Variants in APBB2 observed in about 807,000 individuals in gnomAD.
APBB2 encodes the protein amyloid beta precursor protein binding family B member 2.
A neutral mutation model predicts 82.5 loss-of-function variants in APBB2; 38 were observed. That is an observed-to-expected ratio of 0.46 (90% CI 0.36 to 0.60). The LOEUF is 0.60. Ranked by LOEUF, APBB2 falls within the 20% of genes least tolerant of loss-of-function variation. The pLI, the probability that APBB2 is intolerant of heterozygous loss-of-function variation, is 0.00. For missense variants in APBB2, 772 were observed against 972.3 expected, an observed-to-expected ratio of 0.79 and a Z score of 2.74; for synonymous variants, 341 against 368.2, an observed-to-expected ratio of 0.93 and a Z score of 0.85.
chr4:41,045,029 T>C (rs908867294), intron 4 of APBB2, among the ~76,000 whole-genome samples: 1 of 152,158 alleles, frequency 6.6e-6, no homozygotes, highest in African/African-American at 2.4e-5. Flanking sequence ...TCATTTCCTT[T>C]GGATTTTTAA....
At position 40,880,983 on chromosome 4, in the gene APBB2, C is replaced by T. The variant is rs1768313421; in HGVS notation, c.1529+9381G>A. On this transcript the variant is annotated intron_variant, in intron 12 of 17. Transcript: ENST00000508593. Reference sequence around the variant, plus strand: ...TCTGAAAATGCCCTCCCACTTTCCTCTAAGGGAAACTGTTCTTGGACAATC... The same window carrying T: ...TCTGAAAATGCCCTCCCACTTTCCTTTAAGGGAAACTGTTCTTGGACAATC... 2.1e-5 allele frequency: 21 copies of T among 985,284 alleles called. 1 individual carries two copies. The highest frequency in any genetic ancestry group is 1.2e-4 in the Admixed American group (2 of 16,264). The allele number at this position is 985,284 out of a possible 1,614,324, so 61.0% of individuals were successfully genotyped here.
chr4:41,020,308 A>G (rs1372299007), intron 5 of APBB2, among the ~76,000 whole-genome samples: 2 of 152,212 alleles, frequency 1.3e-5, no homozygotes, highest in African/African-American at 4.8e-5. Flanking sequence ...TAATTACCAT[A>G]CAAAGGTCCA....
chr4:41,026,191 G>C (rs1714132265), intron 5 of APBB2, among the ~76,000 whole-genome samples: 1 of 152,112 alleles, frequency 6.6e-6, no homozygotes, highest in Non-Finnish European at 1.5e-5. Flanking sequence ...GAGTGTGGAG[G>C]ATGGGAGGAG....
intron 10 of APBB2, among the ~76,000 whole-genome samples, chr4:40,924,598 A>G (rs902467028): frequency 6.6e-6 from 1 of 152,180 alleles, no homozygotes; most frequent in Non-Finnish European, 1.5e-5. Flanking sequence ...TGAGAAGACC[A>G]AGCCACATGG....
chr4:41,187,181 G>C (rs1324361932), intron 1 of APBB2, among the ~76,000 whole-genome samples: 1 of 152,136 alleles, frequency 6.6e-6, no homozygotes, highest in East Asian at 1.9e-4. Context: ...AAGATCTCAG[G>C]TAGCAAAAGG....
intron 12 of APBB2, among the ~76,000 whole-genome samples, chr4:40,837,422 C>T (rs892462653): frequency 1.2e-4 from 19 of 152,328 alleles, no homozygotes; most frequent in Admixed American, 9.1e-4. Flanking sequence ...ATTAACCGGG[C>T]GCCTCACACA....
At chr4:40,942,330 T>C (rs1787217130) in intron 7 of APBB2, among the ~76,000 whole-genome samples, 1 of 152,110 alleles carries the variant, frequency 6.6e-6, no homozygotes, top group South Asian at 2.1e-4. Flanking sequence ...GGATAAGCCT[T>C]TGTCAATACA....
intron 10 of APBB2, among the ~76,000 whole-genome samples, chr4:40,908,119 G>T (rs933994398): frequency 2.0e-5 from 3 of 151,866 alleles, no homozygotes; most frequent in Admixed American, 2.0e-4. Context: ...CTTATAAGAG[G>T]AGGAAGAGAC....
At chr4:40,874,384 GGAT>G (rs1224633333) in intron 12 of APBB2, among the ~76,000 whole-genome samples, 4 of 152,098 alleles carry the variant, frequency 2.6e-5, no homozygotes, top group Non-Finnish European at 5.9e-5. Context: ...ACGTCTTCAG[GGAT>G]GATATTACCA....
chr4:40,853,311 C>T (rs868410163), intron 12 of APBB2, among the ~76,000 whole-genome samples: 3 of 152,312 alleles, frequency 2.0e-5, no homozygotes, highest in Non-Finnish European at 4.4e-5. Context: ...GGTTAACCCT[C>T]TTCACGGGCA....
intron 10 of APBB2, among the ~76,000 whole-genome samples, chr4:40,901,909 A>ATGTGTGTGTG (rs35766512): frequency 7.7e-4 from 112 of 145,540 alleles, no homozygotes; most frequent in Middle Eastern, 7.1e-3. Context: ...ATCCAAAATT[A>ATGTGTGTGTG]TGTGTGTGTG....
intron 10 of APBB2, among the ~76,000 whole-genome samples, chr4:40,922,634 A>G (rs1781544245): frequency 6.8e-6 from 1 of 146,524 alleles, no homozygotes. Context: ...TTTTTGAGAT[A>G]GGATCTGGTT....
intron 12 of APBB2, among the ~76,000 whole-genome samples, chr4:40,858,454 C>CAAAAAAAAAAAA (rs34433911): frequency 5.2e-5 from 3 of 57,718 alleles, no homozygotes; most frequent in African/African-American, 7.4e-5. Context: ...GAGTCCGTCT[C>CAAAAAAAAAAAA]AAAAAAAAAA....
intron 10 of APBB2, among the ~76,000 whole-genome samples, chr4:40,911,791 C>T (rs1015144670): frequency 2.0e-5 from 3 of 151,610 alleles, no homozygotes; most frequent in Non-Finnish European, 4.4e-5. Flanking sequence ...GACACGGATT[C>T]CTGTGCTGGA....
Position 40,985,186 on chromosome 4 carries a change from T to C in APBB2, c.835+28397A>G, listed in dbSNP as rs1325914388. On this transcript the variant is annotated intron_variant, in intron 6 of 17. Coordinates refer to ENST00000508593, the MANE Select transcript of APBB2 (RefSeq NM_004307.2). ...TGCCTCAGCCTCCAACGTGTTGGGATTACAGGCGTGAGCCACTGTGTCCAG... is the reference window on the plus strand; with the variant it reads ...TGCCTCAGCCTCCAACGTGTTGGGACTACAGGCGTGAGCCACTGTGTCCAG... 3.9e-5 allele frequency among the ~76,000 whole-genome samples: 6 copies of C among 152,140 alleles called. No homozygotes were observed. The East Asian group carries it at 1.2e-3, about 29-fold the overall frequency.
intron 3 of APBB2, among the ~76,000 whole-genome samples, chr4:41,070,807 A>G (rs145692822): frequency 3.8e-4 from 58 of 152,318 alleles, no homozygotes; most frequent in African/African-American, 1.1e-3. Context: ...GAAGGAAATC[A>G]ACCTTTGAGA....
chr4:41,107,474 A>T (rs939348954), intron 2 of APBB2, among the ~76,000 whole-genome samples: 2 of 152,210 alleles, frequency 1.3e-5, no homozygotes, highest in Non-Finnish European at 2.9e-5. Flanking sequence ...CTTTGCAACT[A>T]CCAATGCAAT....
At chr4:40,882,973 G>C (rs961360570) in intron 12 of APBB2, among the ~76,000 whole-genome samples, 1 of 152,168 alleles carries the variant, frequency 6.6e-6, no homozygotes, top group African/African-American at 2.4e-5. Flanking sequence ...CCTGAGGTAC[G>C]CAAGTTCCAG....
intron 2 of APBB2, among the ~76,000 whole-genome samples, chr4:41,135,423 T>C (rs1444959720): frequency 6.6e-6 from 1 of 152,246 alleles, no homozygotes; most frequent in Non-Finnish European, 1.5e-5. Flanking sequence ...CAGTAGACTA[T>C]TTTTGTTTAT....
Sources: gnomAD v4.1 joint callset for allele counts (sites outside exome capture counted in the v4.1 genomes callset) on GRCh38, gnomAD v4.1.1 for gene constraint, MANE v1.5 for transcripts, NCBI Gene and HGNC (gene_info 2026-07-23, HGNC 2026-07-21) for gene names.